SCAMP2: variants seen among roughly 807,000 people sequenced by gnomAD.
SCAMP2 encodes secretory carrier-associated membrane protein 2.
A neutral mutation model predicts 44.1 loss-of-function variants in SCAMP2; 25 were observed. That is an observed-to-expected ratio of 0.57 (90% CI 0.41 to 0.79). SCAMP2 has a LOEUF of 0.79. SCAMP2 is among the 30% of genes least tolerant of loss of function. The probability of loss-of-function intolerance (pLI) is 0.00; values close to 1 mark genes in which losing one functional copy is unlikely to be tolerated. For synonymous variants in SCAMP2, 156 were observed against 166.0 expected (o/e 0.94, Z 0.46); for missense variants, 355 against 411.0 (o/e 0.86, Z 1.18).
Position 74,851,391 on chromosome 15 carries a change from T to A in SCAMP2, c.434A>T (p.Tyr145Phe). 1 of 1,614,050 alleles carries A rather than the reference T, an allele frequency of 6.2e-7. No individual in the cohort carries two copies. Among genetic ancestry groups the A allele is most frequent in the South Asian group, 1.1e-5 (1 of 91,076 alleles). Reference protein sequence around the residue: ...QDFSTEIPADYQRICKMLYYL... With the variant: ...QDFSTEIPADFQRICKMLYYL... ...GTAGAGCATCTTGCATATCCGCTGG[T>A]AGTCGGCAGGGATCTCTGTGGAGAA... Residue 145 changes from tyrosine to phenylalanine, a missense_variant, in exon 5 of 9, where the codon TAC becomes TTC. Tyr to Phe is a conservative substitution (Grantham distance 22, BLOSUM62 3). Coordinates refer to ENST00000268099, the MANE Select transcript of SCAMP2 (RefSeq NM_005697.5).
At chr15:74,855,259 A>G (rs1208113433) in intron 1 of SCAMP2, among the ~76,000 whole-genome samples, 3 of 151,818 alleles carry the variant, frequency 2.0e-5, no homozygotes, top group Non-Finnish European at 2.9e-5. Context: ...GGCCGCCACC[A>G]TACCCGGCTA....
intron 7 of SCAMP2, among the ~76,000 whole-genome samples, chr15:74,847,086 A>ATTTTTTTTTTTTTTTTTTTTTTTTTT (rs34231883): frequency 9.2e-6 from 1 of 109,280 alleles, no homozygotes; most frequent in Non-Finnish European, 1.8e-5. Context: ...TTGTCAGTTA[A>ATTTTTTTTTTTTTTTTTTTTTTTTTT]TTTTTTTTTT....
At chr15:74,855,812 T>C (rs1354897924) in intron 1 of SCAMP2, among the ~76,000 whole-genome samples, 4 of 151,722 alleles carry the variant, frequency 2.6e-5, no homozygotes, top group African/African-American at 9.7e-5. Context: ...GCACACTTGC[T>C]AAGAGCAGAG....
chr15:74,845,855 A>T (rs1400718656), intron 7 of SCAMP2, among the ~76,000 whole-genome samples: 1 of 152,238 alleles, frequency 6.6e-6, no homozygotes, highest in Non-Finnish European at 1.5e-5. Flanking sequence ...TGCTGCCTTC[A>T]CAGAGTCAGA....
At chr15:74,845,800 A>AG (rs2064395457) in intron 7 of SCAMP2, among the ~76,000 whole-genome samples, 1 of 152,234 alleles carries the variant, frequency 6.6e-6, no homozygotes. Context: ...CCCATTCACA[A>AG]GGGGAATCTT....
chr15:74,872,338 G>T (rs898918406), intron 1 of SCAMP2, among the ~76,000 whole-genome samples: 4 of 151,436 alleles, frequency 2.6e-5, no homozygotes, highest in Non-Finnish European at 2.9e-5. Flanking sequence ...GCTTGAACTC[G>T]GGAGGCAGAG....
At chr15:74,870,316 T>C (rs1280554688) in intron 1 of SCAMP2, among the ~76,000 whole-genome samples, 3 of 152,246 alleles carry the variant, frequency 2.0e-5, no homozygotes, top group Admixed American at 2.0e-4. Context: ...AGGGTAGAAC[T>C]ATCTTGCCCT....
intron 1 of SCAMP2, among the ~76,000 whole-genome samples, chr15:74,854,991 A>T (rs1869959): frequency 3.5e-5 from 5 of 144,802 alleles, no homozygotes; most frequent in South Asian, 2.2e-4. Flanking sequence ...TTTTTTTTTG[A>T]GGGGTGGGGT....
At chr15:74,849,991 G>T (rs2064425004) in intron 6 of SCAMP2, among the ~76,000 whole-genome samples, 1 of 152,046 alleles carries the variant, frequency 6.6e-6, no homozygotes, top group East Asian at 1.9e-4. Context: ...GGCCTGCTGG[G>T]CTCCCAGCCC....
intron 1 of SCAMP2, chr15:74,872,984 T>G: frequency 4.0e-6 from 2 of 499,410 alleles, no homozygotes; most frequent in Non-Finnish European, 7.0e-6. Flanking sequence ...CCCCACTGTC[T>G]CCAACACTTC....
rs77566565 is a variant in SCAMP2 at position 74,857,960 on chromosome 15, G to A, written c.58-3311C>T. Among the ~76,000 whole-genome samples the A allele has an allele frequency of 1.6e-3, 248 of 152,334 alleles. 3 individuals carry two copies. Among genetic ancestry groups the A allele is most frequent in the East Asian group, 0.013 (70 of 5,186 alleles). On this transcript the variant is annotated intron_variant, in intron 1 of 8. Transcript: ENST00000268099. ...TAGAAAGCACTGCCCAAGTGCCAGG[G>A]CATAGCAAACAGGAGGCACCTGCAT...
In SCAMP2 at chr15:74,848,347, C is replaced by A. The variant is rs1356138154; in HGVS notation, c.734+253G>T. On this transcript the variant is annotated intron_variant, in intron 7 of 8. Transcript: ENST00000268099. ...CCTCCCAAAGTACTGGGATTCCAGGCATGAGCCACTGCACCTGACCAATAG... is the reference window on the plus strand; with the variant it reads ...CCTCCCAAAGTACTGGGATTCCAGGAATGAGCCACTGCACCTGACCAATAG... 4 of 332,598 alleles carry A rather than the reference C, an allele frequency of 1.2e-5. No individual in the cohort carries two copies. In the East Asian group the frequency reaches 2.1e-4, roughly 17 times the overall value. The allele number at this position is 332,598 out of a possible 1,614,324, so 20.6% of individuals were successfully genotyped here.
chr15:74,848,952 G>C (rs1698158667), intron 6 of SCAMP2, among the ~76,000 whole-genome samples: 2 of 152,040 alleles, frequency 1.3e-5, no homozygotes, highest in Admixed American at 6.6e-5. Flanking sequence ...AGCTGATAAA[G>C]TTGCTCCCCC....
intron 1 of SCAMP2, among the ~76,000 whole-genome samples, chr15:74,869,830 A>G (rs1409151796): frequency 6.6e-6 from 1 of 152,182 alleles, no homozygotes; most frequent in Non-Finnish European, 1.5e-5. Flanking sequence ...TTCTGAGTCT[A>G]TCGCCTCTCC....
chr15:74,869,070 C>A (rs2064559930), intron 1 of SCAMP2, among the ~76,000 whole-genome samples: 1 of 152,138 alleles, frequency 6.6e-6, no homozygotes, highest in Non-Finnish European at 1.5e-5. Context: ...AGGAGAATCG[C>A]TTGAACCCAG....
At chr15:74,866,943 C>T (rs1191094215) in intron 1 of SCAMP2, among the ~76,000 whole-genome samples, 3 of 152,074 alleles carry the variant, frequency 2.0e-5, no homozygotes, top group Non-Finnish European at 2.9e-5. Context: ...ACTACAGGTG[C>T]CCGCCATCAC....
In SCAMP2 at chr15:74,854,627, G is replaced by A; in HGVS notation, c.80C>T (p.Thr27Ile). The change falls in exon 2 of 9, where the codon ACC becomes ATC. Residue 27 changes from threonine (T) to isoleucine (I), a missense_variant. Physicochemically the swap from Thr to Ile is moderately conservative, Grantham distance 89. Transcript: ENST00000268099. ...PFQDPSVTQL[T>I]NAPQGGLAEF... is the part of the protein sequence containing the mutation. ...CGCCAGGCCGCCCTGCGGGGCGTTG[G>A]TCAGCTGGGTCACAGAGGGATCCTG... The A allele has an allele frequency of 6.2e-7, 1 of 1,609,274 alleles. No individual in the cohort carries two copies.
chr15:74,872,977 C>T, intron 1 of SCAMP2: 1 of 479,684 alleles, frequency 2.1e-6, no homozygotes, highest in Non-Finnish European at 3.6e-6. Flanking sequence ...TAGAAGACCC[C>T]ACTGTCTCCA....
chr15:74,858,889 T>C (rs2064484569), intron 1 of SCAMP2, among the ~76,000 whole-genome samples: 1 of 143,678 alleles, frequency 7.0e-6, no homozygotes, highest in African/African-American at 2.6e-5. Flanking sequence ...CTCAGCTCAC[T>C]GCAAGCTCTC....
Sources: allele counts gnomAD v4.1 joint callset (sites outside exome capture counted in the v4.1 genomes callset), GRCh38; gene constraint gnomAD v4.1.1; transcripts MANE v1.5; gene names NCBI Gene and HGNC (gene_info 2026-07-23, HGNC 2026-07-21).